The following MICU1 variants were observed in gnomAD, a reference collection of about 807,000 sequenced individuals.
MICU1 encodes calcium uptake protein 1, mitochondrial.
A neutral mutation model predicts 56.8 loss-of-function variants in MICU1; 45 were observed. That is an observed-to-expected ratio of 0.79 (90% confidence interval 0.62 to 1.02). The LOEUF is 1.02. Ranked by LOEUF, MICU1 falls within the 50% of genes least tolerant of loss-of-function variation. The pLI is 0.00. For missense variants in MICU1, 504 were observed against 587.1 expected, an observed-to-expected ratio of 0.86 and a Z score of 1.46; for synonymous variants, 186 against 195.1, an observed-to-expected ratio of 0.95 and a Z score of 0.39.
At chr10:72,453,333 G>A (rs1865354041) in intron 8 of MICU1, among the ~76,000 whole-genome samples, 1 of 152,064 alleles carries the variant, frequency 6.6e-6, no homozygotes, top group Non-Finnish European at 1.5e-5. Context: ...GTTAGCACAA[G>A]AATATACCAC....
chr10:72,617,153 C>CT (rs1237831447), intron 1 of MICU1, among the ~76,000 whole-genome samples: 5 of 151,904 alleles, frequency 3.3e-5, no homozygotes, highest in Non-Finnish European at 7.4e-5. Context: ...TTTTTTGTCC[C>CT]TTTTATTCAT....
chr10:72,396,261 C>T (rs1397058234), intron 10 of MICU1, among the ~76,000 whole-genome samples: 1 of 152,220 alleles, frequency 6.6e-6, no homozygotes, highest in East Asian at 1.9e-4. Context: ...AGGACGTCCA[C>T]ACCAAAACCC....
intron 1 of MICU1, among the ~76,000 whole-genome samples, chr10:72,575,558 C>G (rs1296294801): frequency 6.6e-6 from 1 of 152,208 alleles, no homozygotes; most frequent in Admixed American, 6.5e-5. Flanking sequence ...ATTTTCCCAA[C>G]AGCATACACA....
At chr10:72,556,114 C>T (rs1293004088) in intron 3 of MICU1, among the ~76,000 whole-genome samples, 2 of 152,174 alleles carry the variant, frequency 1.3e-5, no homozygotes, top group South Asian at 2.1e-4. Context: ...GGCACACTCT[C>T]TCTCAAGAGG....
intron 1 of MICU1, among the ~76,000 whole-genome samples, chr10:72,589,053 C>G (rs183923349): frequency 6.6e-6 from 1 of 152,056 alleles, no homozygotes; most frequent in Non-Finnish European, 1.5e-5. Flanking sequence ...TTTGGGAGGC[C>G]GAGGTGGGTG....
intron 6 of MICU1, among the ~76,000 whole-genome samples, chr10:72,484,235 A>G (rs1242234320): frequency 6.6e-6 from 1 of 152,188 alleles, no homozygotes; most frequent in African/African-American, 2.4e-5. Context: ...TACATGGCTA[A>G]CTTTCAGAAT....
At chr10:72,499,348 T>A (rs745566499) in intron 6 of MICU1, among the ~76,000 whole-genome samples, 6 of 152,186 alleles carry the variant, frequency 3.9e-5, no homozygotes, top group Non-Finnish European at 8.8e-5. Flanking sequence ...TTCAACATCA[T>A]CTATAAATAA....
At chr10:72,477,424 C>A in intron 6 of MICU1, 168 bp from the exon 7 acceptor site, 1 of 1,308,944 alleles carries the variant, frequency 7.6e-7, no homozygotes, top group Non-Finnish European at 1.1e-6. Flanking sequence ...TTGAGATCAC[C>A]CTTTTAGGAA....
chr10:72,497,443 G>A (rs1466876455), intron 6 of MICU1, among the ~76,000 whole-genome samples: 1 of 152,140 alleles, frequency 6.6e-6, no homozygotes, highest in Non-Finnish European at 1.5e-5. Flanking sequence ...CTATTAAGCC[G>A]AGGGTTTAAA....
chr10:72,549,344 C>A (rs1055850139), intron 4 of MICU1, among the ~76,000 whole-genome samples: 1 of 151,892 alleles, frequency 6.6e-6, no homozygotes, highest in Non-Finnish European at 1.5e-5. Flanking sequence ...GCACGCACCA[C>A]CGTGCCTGGC....
intron 1 of MICU1, among the ~76,000 whole-genome samples, chr10:72,618,540 T>A (rs968348093): frequency 1.3e-5 from 2 of 152,274 alleles, no homozygotes; most frequent in Middle Eastern, 3.4e-3. Context: ...GTCAAAGACC[T>A]GAAAAAAATA....
At chr10:72,462,084 A>G (rs1362032920) in intron 8 of MICU1, among the ~76,000 whole-genome samples, 1 of 152,170 alleles carries the variant, frequency 6.6e-6, no homozygotes, top group African/African-American at 2.4e-5. Flanking sequence ...TCATTTATTA[A>G]ATACTAACCT....
intron 1 of MICU1, among the ~76,000 whole-genome samples, chr10:72,589,253 C>T (rs112119310): frequency 0.041 from 6,156 of 151,630 alleles, 428 homozygotes; most frequent in African/African-American, 0.14. Context: ...TGCGTCACTG[C>T]ACTCCAGCCT....
chr10:72,411,307 A>C (rs1309372793), intron 9 of MICU1, among the ~76,000 whole-genome samples: 1 of 151,600 alleles, frequency 6.6e-6, no homozygotes, highest in African/African-American at 2.4e-5. Flanking sequence ...TACACACATA[A>C]CATGCTAAAG....
At chr10:72,477,648 T>A (rs1866165159) in intron 6 of MICU1, 2 of 1,090,836 alleles carry the variant, frequency 1.8e-6, no homozygotes, top group Non-Finnish European at 2.6e-6. Context: ...TGCTGCAAAG[T>A]AAGAAGTTGA....
At chr10:72,374,942 C>G (rs1226056089) in intron 11 of MICU1, among the ~76,000 whole-genome samples, 1 of 149,210 alleles carries the variant, frequency 6.7e-6, no homozygotes, top group Non-Finnish European at 1.5e-5. Context: ...TCTCGAGTAG[C>G]TGGGATTTCA....
intron 3 of MICU1, among the ~76,000 whole-genome samples, chr10:72,555,700 T>C (rs1377953170): frequency 1.3e-5 from 2 of 152,206 alleles, no homozygotes; most frequent in Non-Finnish European, 2.9e-5. Flanking sequence ...TACCTATCTT[T>C]TGACCATGGA....
chr10:72,553,451 T>A (rs1438313774), intron 3 of MICU1, among the ~76,000 whole-genome samples: 1 of 152,112 alleles, frequency 6.6e-6, no homozygotes, highest in Non-Finnish European at 1.5e-5. Flanking sequence ...GCCAGGATGG[T>A]CTTGATCTCC....
chr10:72,447,092 G>C (rs748565954), intron 8 of MICU1, among the ~76,000 whole-genome samples: 2 of 152,166 alleles, frequency 1.3e-5, no homozygotes, highest in Non-Finnish European at 2.9e-5. Context: ...ACTATGCTTA[G>C]AGCATGGAAA....
Sources: allele counts gnomAD v4.1 joint callset (sites outside exome capture counted in the v4.1 genomes callset), GRCh38; gene constraint gnomAD v4.1.1; transcripts MANE v1.5; gene names NCBI Gene and HGNC (gene_info 2026-07-23, HGNC 2026-07-21).